The following CNTN5 variants were observed in gnomAD, a reference collection of about 807,000 sequenced individuals.
CNTN5 encodes contactin-5.
A neutral mutation model predicts 129.1 loss-of-function variants in CNTN5; 77 were observed. That is an observed-to-expected ratio of 0.60 (90% CI 0.50 to 0.72). The LOEUF is 0.72. CNTN5 is among the 30% of genes least tolerant of loss of function. The probability of loss-of-function intolerance (pLI) is 0.00; values close to 1 mark genes in which losing one functional copy is unlikely to be tolerated. For synonymous variants in CNTN5, 509 were observed against 465.6 expected, an observed-to-expected ratio of 1.09 and a Z score of -1.20; for missense variants, 1,478 against 1,328.8, an observed-to-expected ratio of 1.11 and a Z score of -1.75.
chr11:99,130,874 T>C (rs542280833), intron 1 of CNTN5, among the ~76,000 whole-genome samples: 1 of 151,912 alleles, frequency 6.6e-6, no homozygotes, highest in South Asian at 2.1e-4. Context: ...AGGTAAATAA[T>C]GAAATTAAGG....
intron 2 of CNTN5, among the ~76,000 whole-genome samples, chr11:99,369,376 C>G (rs1295584065): frequency 6.6e-6 from 1 of 151,152 alleles, no homozygotes; most frequent in Non-Finnish European, 1.5e-5. Context: ...CAGTCCATGT[C>G]TGTCAGACAC....
At chr11:99,174,286 C>G (rs11218640) in intron 1 of CNTN5, among the ~76,000 whole-genome samples, 9,954 of 152,156 alleles carry the variant, frequency 0.065, 549 homozygotes, top group East Asian at 0.33. Context: ...GGCATGAGGA[C>G]TACGCCCAGC....
At chr11:100,345,959 A>G (rs1952269919) in intron 23 of CNTN5, among the ~76,000 whole-genome samples, 1 of 152,148 alleles carries the variant, frequency 6.6e-6, no homozygotes, top group South Asian at 2.1e-4. Context: ...ATAACTTTCC[A>G]TTTGAGAAGC....
chr11:99,164,885 A>G (rs183958859), intron 1 of CNTN5, among the ~76,000 whole-genome samples: 2 of 152,268 alleles, frequency 1.3e-5, no homozygotes, highest in East Asian at 3.9e-4. Flanking sequence ...GATGAGAAAG[A>G]GCTCTCGCTG....
intron 2 of CNTN5, among the ~76,000 whole-genome samples, chr11:99,383,579 T>C (rs1940735374): frequency 6.7e-6 from 1 of 149,594 alleles, no homozygotes; most frequent in African/African-American, 2.5e-5. Context: ...TTTTCATATA[T>C]TTAGGTTGAG....
At chr11:99,231,720 G>T (rs763536969) in intron 1 of CNTN5, among the ~76,000 whole-genome samples, 2 of 152,006 alleles carry the variant, frequency 1.3e-5, no homozygotes, top group Non-Finnish European at 2.9e-5. Context: ...TGAAATCTTT[G>T]CCTGTGCCTA....
At chr11:99,784,195 G>A (rs1260791859) in intron 3 of CNTN5, among the ~76,000 whole-genome samples, 2 of 151,996 alleles carry the variant, frequency 1.3e-5, no homozygotes, top group African/African-American at 2.4e-5. Context: ...TGCAGAATGC[G>A]CAGGTTTGTT....
intron 7 of CNTN5, among the ~76,000 whole-genome samples, chr11:99,925,457 A>G (rs1054714697): frequency 6.6e-6 from 1 of 152,194 alleles, no homozygotes. Flanking sequence ...CCTTCATTGT[A>G]AACACTCTAA....
Position 99,666,620 on chromosome 11 carries a change from A to G in CNTN5, c.55+110351A>G, listed in dbSNP as rs144347809. 3.2e-3 allele frequency among the ~76,000 whole-genome samples: 480 copies of G among 152,348 alleles called. 2 individuals are homozygous for G. Among genetic ancestry groups the G allele is most frequent in the Non-Finnish European group, 3.1e-3 (212 of 68,028 alleles). On this transcript the variant is annotated intron_variant, in intron 3 of 24. Transcript: ENST00000524871. ...GACAAGCTCCGAAACAGTCTTACAGAGTCTCCATGCTCTTTGGTGGAGTTC... is the reference window on the plus strand; with the variant it reads ...GACAAGCTCCGAAACAGTCTTACAGGGTCTCCATGCTCTTTGGTGGAGTTC...
intron 2 of CNTN5, among the ~76,000 whole-genome samples, chr11:99,531,667 C>A (rs1041912438): frequency 1.3e-5 from 2 of 152,312 alleles, no homozygotes; most frequent in African/African-American, 4.8e-5. Context: ...TGTGTCCCAA[C>A]CGTTCCAGCC....
intron 3 of CNTN5, among the ~76,000 whole-genome samples, chr11:99,816,133 T>C (rs1372431570): frequency 6.6e-6 from 1 of 152,212 alleles, no homozygotes; most frequent in Non-Finnish European, 1.5e-5. Context: ...TGCTTCCTTG[T>C]CTGTATTGAA....
chr11:99,361,581 A>G (rs968735338), intron 2 of CNTN5, among the ~76,000 whole-genome samples: 4 of 152,138 alleles, frequency 2.6e-5, no homozygotes, highest in African/African-American at 9.7e-5. Context: ...CTATCTCCAC[A>G]TCTTTTCAGA....
At chr11:99,098,638 A>C (rs1866583637) in intron 1 of CNTN5, among the ~76,000 whole-genome samples, 1 of 152,126 alleles carries the variant, frequency 6.6e-6, no homozygotes, top group South Asian at 2.1e-4. Flanking sequence ...TTAATATAAA[A>C]TATTAATTAT....
At chr11:99,328,870 C>CAAAAAAA (rs10542347) in intron 2 of CNTN5, among the ~76,000 whole-genome samples, 6 of 87,616 alleles carry the variant, frequency 6.8e-5, no homozygotes, top group Non-Finnish European at 8.7e-5. Flanking sequence ...AACTCCATCT[C>CAAAAAAA]AAAAAAAAAA....
chr11:100,115,126 AAAAAAAAAAAAAAG>A (rs1945798027), intron 13 of CNTN5, among the ~76,000 whole-genome samples: 4 of 150,524 alleles, frequency 2.7e-5, no homozygotes, highest in African/African-American at 9.7e-5. Flanking sequence ...AAAAAAAAAA[AAAAAAAAAAAAAAG>A]AAAGAAAGAA....
chr11:99,140,324 A>T (rs935508641), intron 1 of CNTN5, among the ~76,000 whole-genome samples: 4 of 152,110 alleles, frequency 2.6e-5, no homozygotes, highest in African/African-American at 9.7e-5. Flanking sequence ...TGAGCATAGT[A>T]CATACTAGGT....
At chr11:99,768,125 C>G (rs1293118294) in intron 3 of CNTN5, among the ~76,000 whole-genome samples, 2 of 152,066 alleles carry the variant, frequency 1.3e-5, no homozygotes, top group Non-Finnish European at 2.9e-5. Context: ...TATCTACCAT[C>G]TGTCCTTGTA....
intron 13 of CNTN5, among the ~76,000 whole-genome samples, chr11:100,164,761 G>A (rs1431449946): frequency 6.6e-6 from 1 of 151,786 alleles, no homozygotes; most frequent in Non-Finnish European, 1.5e-5. Flanking sequence ...AAACCAGCAT[G>A]TAATATTGGT....
At chr11:99,738,712 G>A (rs868435626) in intron 3 of CNTN5, among the ~76,000 whole-genome samples, 4 of 150,842 alleles carry the variant, frequency 2.7e-5, no homozygotes, top group African/African-American at 9.7e-5. Context: ...GAGAAATGAA[G>A]CTGAAGAGGT....
Sources: gnomAD v4.1 joint callset for allele counts (sites outside exome capture counted in the v4.1 genomes callset) on GRCh38, gnomAD v4.1.1 for gene constraint, MANE v1.5 for transcripts, NCBI Gene and HGNC (gene_info 2026-07-23, HGNC 2026-07-21) for gene names.